The following SGCZ variants were observed in gnomAD, a reference collection of about 807,000 sequenced individuals.
SGCZ encodes the protein sarcoglycan zeta, also known as zeta-sarcoglycan.
Under a neutral mutation model 41.3 loss-of-function variants are expected in SGCZ, and 40 were observed. The ratio of observed to expected loss-of-function variants is 0.97; its 90% CI spans 0.75 to 1.26. The LOEUF is 1.26. Among genes scored for constraint, SGCZ ranks in the 50% most tolerant of loss-of-function variants. The probability of loss-of-function intolerance (pLI) is 0.00; values close to 1 mark genes in which losing one functional copy is unlikely to be tolerated. For missense variants in SGCZ, 552 were observed against 369.8 expected (o/e 1.49, Z -4.04); for synonymous variants, 206 against 137.5 (o/e 1.50, Z -3.49).
At chr8:15,089,330 TG>T (rs1462199346) in intron 1 of SGCZ, among the ~76,000 whole-genome samples, 3 of 152,182 alleles carry the variant, frequency 2.0e-5, no homozygotes, top group Non-Finnish European at 4.4e-5. Context: ...ATGAGTGTAA[TG>T]ATAATTTCAA....
intron 2 of SGCZ, among the ~76,000 whole-genome samples, chr8:14,527,604 G>A (rs1451491287): frequency 6.6e-6 from 1 of 152,072 alleles, no homozygotes; most frequent in East Asian, 1.9e-4. Context: ...TTGTCATTAT[G>A]CTGCTGGCAG....
At chr8:14,621,187 G>T (rs201363665) in intron 1 of SGCZ, among the ~76,000 whole-genome samples, 1 of 149,576 alleles carries the variant, frequency 6.7e-6, no homozygotes, top group Non-Finnish European at 1.5e-5. Flanking sequence ...CTATCACAAG[G>T]ACAAAAAACC....
intron 2 of SGCZ, among the ~76,000 whole-genome samples, chr8:14,368,298 C>T (rs1003172355): frequency 2.0e-5 from 3 of 151,916 alleles, no homozygotes; most frequent in African/African-American, 7.3e-5. Context: ...GTCTGGGCAT[C>T]ATACAGCTGT....
At chr8:14,622,680 C>T (rs1806325576) in intron 1 of SGCZ, among the ~76,000 whole-genome samples, 1 of 152,062 alleles carries the variant, frequency 6.6e-6, no homozygotes. Context: ...CTAGCAAGTG[C>T]CTTGGGTGAC....
At chr8:14,733,840 A>G (rs995806240) in intron 1 of SGCZ, among the ~76,000 whole-genome samples, 1 of 152,292 alleles carries the variant, frequency 6.6e-6, no homozygotes, top group South Asian at 2.1e-4. Flanking sequence ...ATCCTAAGCA[A>G]TTTTAAGGCT....
chr8:14,852,816 C>G (rs1803382939), intron 1 of SGCZ, among the ~76,000 whole-genome samples: 1 of 152,150 alleles, frequency 6.6e-6, no homozygotes, highest in Admixed American at 6.6e-5. Flanking sequence ...GAGTAATAGC[C>G]TTTCTCTGCA....
chr8:14,333,831 G>A (rs1285599548), intron 2 of SGCZ, among the ~76,000 whole-genome samples: 1 of 152,074 alleles, frequency 6.6e-6, no homozygotes. Context: ...TTAAAATGGA[G>A]TTATATTTTT....
intron 3 of SGCZ, among the ~76,000 whole-genome samples, chr8:14,323,050 T>C (rs1345146389): frequency 1.3e-5 from 2 of 152,046 alleles, no homozygotes; most frequent in African/African-American, 4.8e-5. Flanking sequence ...ACTAAAGGAG[T>C]ACCAAAATAA....
intron 5 of SGCZ, among the ~76,000 whole-genome samples, chr8:14,137,830 C>A (rs531846081): frequency 3.3e-5 from 5 of 152,042 alleles, no homozygotes; most frequent in African/African-American, 1.2e-4. Flanking sequence ...ATACAGAGAA[C>A]GCCACAAAGA....
chr8:14,458,018 G>A (rs147685557), intron 2 of SGCZ, among the ~76,000 whole-genome samples: 1 of 152,040 alleles, frequency 6.6e-6, no homozygotes, highest in African/African-American at 2.4e-5. Context: ...TCCTACAGGG[G>A]CCTGTAGAAC....
intron 1 of SGCZ, among the ~76,000 whole-genome samples, chr8:14,734,410 C>A (rs1463652789): frequency 6.6e-6 from 1 of 152,094 alleles, no homozygotes; most frequent in East Asian, 1.9e-4. Context: ...CAAAGAAGTG[C>A]TATGATACAA....
chr8:14,269,854 G>A (rs191727165), intron 3 of SGCZ, among the ~76,000 whole-genome samples: 1 of 152,192 alleles, frequency 6.6e-6, no homozygotes, highest in African/African-American at 2.4e-5. Context: ...CAATAATTTT[G>A]AGAAAGAATG....
chr8:14,254,603 T>A (rs1799398863), intron 3 of SGCZ, among the ~76,000 whole-genome samples: 1 of 152,222 alleles, frequency 6.6e-6, no homozygotes, highest in African/African-American at 2.4e-5. Context: ...TATTTCTATA[T>A]GAAAACATTA....
At chr8:14,462,853 A>G (rs1465688710) in intron 2 of SGCZ, among the ~76,000 whole-genome samples, 1 of 150,474 alleles carries the variant, frequency 6.6e-6, no homozygotes, top group Non-Finnish European at 1.5e-5. Context: ...ATCCATGGGC[A>G]TAGAATGTCT....
chr8:14,991,077 A>G (rs934598171), intron 1 of SGCZ, among the ~76,000 whole-genome samples: 2 of 152,186 alleles, frequency 1.3e-5, no homozygotes, highest in African/African-American at 4.8e-5. Context: ...CATGAGTTTA[A>G]ACCACTCATA....
At chr8:14,773,179 G>T (rs1031158157) in intron 1 of SGCZ, among the ~76,000 whole-genome samples, 18 of 152,164 alleles carry the variant, frequency 1.2e-4, no homozygotes, top group African/African-American at 1.7e-4. Flanking sequence ...TGATGGCCAG[G>T]GATGATGAGC....
intron 1 of SGCZ, among the ~76,000 whole-genome samples, chr8:14,593,669 A>G (rs970306420): frequency 2.6e-5 from 4 of 152,192 alleles, no homozygotes; most frequent in African/African-American, 9.7e-5. Context: ...ATGTAAATGA[A>G]AAATAATTAT....
intron 3 of SGCZ, among the ~76,000 whole-genome samples, chr8:14,249,632 A>C (rs1300529461): frequency 6.6e-6 from 1 of 152,184 alleles, no homozygotes; most frequent in Non-Finnish European, 1.5e-5. Context: ...CTGAGAAGGC[A>C]ATACTGCAGG....
chr8:14,860,278 T>G lies in SGCZ; in HGVS notation c.40-305352A>C, dbSNP rs111890664. ...GATACTGCCTGGATTTCTACAAGCC[T>G]TTAAATTCACTCCCAAGAGCAATTT... is the stretch of plus-strand genomic sequence containing the variant. On this transcript the variant is annotated intron_variant, in intron 1 of 7. Coordinates refer to ENST00000382080, the MANE Select transcript of SGCZ (RefSeq NM_139167.4). Among the ~76,000 whole-genome samples, 615 of 152,152 alleles carry G rather than the reference T, an allele frequency of 4.0e-3. 7 individuals are homozygous for G. Among genetic ancestry groups the G allele is most frequent in the African/African-American group, 0.014 (584 of 41,530 alleles).
Sources: allele counts gnomAD v4.1 joint callset (sites outside exome capture counted in the v4.1 genomes callset), GRCh38; gene constraint gnomAD v4.1.1; transcripts MANE v1.5; gene names NCBI Gene and HGNC (gene_info 2026-07-23, HGNC 2026-07-21).